Variants in ZNF469 observed in about 807,000 individuals in gnomAD.
ZNF469 encodes the protein zinc finger protein 469.
In ZNF469, 1 loss-of-function variant was observed where a neutral mutation model predicts 1.0. That is an observed-to-expected ratio of 1.00 (90% CI 0.35 to 4.73). The LOEUF (loss-of-function observed/expected upper bound fraction) is 4.73. ZNF469 is among the 30% of genes most tolerant of loss of function. The probability of loss-of-function intolerance (pLI) is 0.16; values close to 1 mark genes in which losing one functional copy is unlikely to be tolerated. For missense variants in ZNF469, 6,100 were observed against 5,356.3 expected (o/e 1.14, Z -4.33); for synonymous variants, 2,703 against 2,363.4 (o/e 1.14, Z -4.17).
the ZNF469 span, among the ~76,000 whole-genome samples, chr16:88,333,053 C>T: frequency 6.6e-6 from 1 of 152,204 alleles, no homozygotes; most frequent in African/African-American, 2.4e-5. Context: ...TGCTGCTGCT[C>T]ATTGGTGATT....
At chr16:88,396,844 GACCCTCCTGAAGGGAGGCCGGGAGGAC>G (rs1191793917) in intron 1 of ZNF469, among the ~76,000 whole-genome samples, 1 of 133,074 alleles carries the variant, frequency 7.5e-6, no homozygotes, top group South Asian at 2.4e-4. Context: ...GCCTGGAGGA[GACCCTCCTGAAGGGAGGCCGGGAGGAC>G]ACCCTCCTGA....
At position 88,431,294 on chromosome 16, in the gene ZNF469, C is replaced by A. The variant is rs1463332080; in HGVS notation, c.3824C>A (p.Thr1275Asn). 7 of 1,550,212 alleles carry A rather than the reference C, an allele frequency of 4.5e-6. No individual in the cohort carries two copies. In the East Asian group the frequency reaches 9.8e-5, roughly 22 times the overall value. Residue 1275 changes from threonine to asparagine, a missense_variant, in exon 3 of 3, where the codon ACC becomes AAC. Physicochemically the swap from Thr to Asn is moderately conservative, Grantham distance 65 (BLOSUM62 0). Coordinates refer to ENST00000565624, the MANE Select transcript of ZNF469 (RefSeq NM_001367624.2). ...CAGCCGCCGCCCAGCAGACATGACA[C>A]CGGCACCCCCAAGCCGTCGGGAAGC... is the stretch of plus-strand genomic sequence containing the variant. ...PEQPPPSRHD[T>N]GTPKPSGSLA...
chr16:88,308,693 C>T, the ZNF469 span, among the ~76,000 whole-genome samples: 1 of 152,138 alleles, frequency 6.6e-6, no homozygotes, highest in Non-Finnish European at 1.5e-5. Context: ...CTGAGCAGAC[C>T]CCACCTCCAT....
chr16:88,200,028 G>C, the ZNF469 span, among the ~76,000 whole-genome samples: 1 of 152,162 alleles, frequency 6.6e-6, no homozygotes, highest in Non-Finnish European at 1.5e-5. Flanking sequence ...AATGCCTCCC[G>C]CTCCCACCCC....
At chr16:88,106,760 C>G in the ZNF469 span, among the ~76,000 whole-genome samples, 1 of 152,258 alleles carries the variant, frequency 6.6e-6, no homozygotes, top group South Asian at 2.1e-4. Flanking sequence ...GGCCACCAGC[C>G]TGGGATGCCA....
At chr16:88,360,425 A>G in the ZNF469 span, among the ~76,000 whole-genome samples, 1 of 152,064 alleles carries the variant, frequency 6.6e-6, no homozygotes, top group Non-Finnish European at 1.5e-5. Flanking sequence ...CGTGCAGAAG[A>G]ACATCATCTC....
intron 1 of ZNF469, among the ~76,000 whole-genome samples, chr16:88,413,857 G>A (rs1428864859): frequency 6.6e-6 from 1 of 152,212 alleles, no homozygotes; most frequent in Non-Finnish European, 1.5e-5. Flanking sequence ...AGCCCCCAGG[G>A]CTGTGTGAGT....
chr16:88,347,357 G>A, the ZNF469 span, among the ~76,000 whole-genome samples: 12 of 152,230 alleles, frequency 7.9e-5, no homozygotes, highest in East Asian at 3.9e-4. Flanking sequence ...TCATTAGGCC[G>A]GGTCCTAATT....
the ZNF469 span, among the ~76,000 whole-genome samples, chr16:88,327,097 G>A: frequency 6.6e-6 from 1 of 152,160 alleles, no homozygotes; most frequent in African/African-American, 2.4e-5. Flanking sequence ...CAGGAGAAGC[G>A]CCACTCTGGA....
At chr16:88,174,185 A>G in the ZNF469 span, among the ~76,000 whole-genome samples, 1 of 152,214 alleles carries the variant, frequency 6.6e-6, no homozygotes, top group Admixed American at 6.5e-5. Context: ...ATCAATAGAA[A>G]GATAGAGTGG....
chr16:88,223,312 C>T, the ZNF469 span, among the ~76,000 whole-genome samples: 1 of 152,348 alleles, frequency 6.6e-6, no homozygotes, highest in Non-Finnish European at 1.5e-5. Flanking sequence ...TCTCTTGGTT[C>T]TCATTCTCTC....
chr16:88,235,177 G>A, the ZNF469 span, among the ~76,000 whole-genome samples: 492 of 152,330 alleles, frequency 3.2e-3, 2 homozygotes, highest in African/African-American at 0.012. Flanking sequence ...GGCCTCTCCA[G>A]GGATGGAGAG....
At chr16:88,256,751 G>C in the ZNF469 span, among the ~76,000 whole-genome samples, 2 of 152,116 alleles carry the variant, frequency 1.3e-5, no homozygotes, top group African/African-American at 4.8e-5. Context: ...TAGCCACGCT[G>C]TTAGGTGAGA....
rs1906420266 is a variant in ZNF469, at chr16:88,434,403, G to A, written c.6933G>A (p.Arg2311=). The A allele has an allele frequency of 3.2e-6, 5 of 1,549,608 alleles. No homozygotes were observed. The South Asian group carries it at 3.6e-5, about 11-fold the overall frequency. ...TCCCAGGGCCAGACCCCCAGAGCAG[G>A]GGAGCCCCGCCCCACACCAACCCTG... ...RGLPGPDPQS[R]GAPPHTNPDR... is the part of the protein sequence containing the mutation. Residue 2311 remains arginine, a synonymous_variant, in exon 3 of 3, where the codon AGG becomes AGA. Coordinates refer to ENST00000565624, the MANE Select transcript of ZNF469 (RefSeq NM_001367624.2).
chr16:88,364,381 C>T, the ZNF469 span, among the ~76,000 whole-genome samples: 1 of 148,366 alleles, frequency 6.7e-6, no homozygotes, highest in African/African-American at 2.5e-5. Context: ...GTCACAATAT[C>T]TTGTGGTGGA....
In ZNF469 at chr16:88,434,338, A is replaced by G. The variant is rs1906414943; in HGVS notation, c.6868A>G (p.Ser2290Gly). The G allele has an allele frequency of 1.3e-6, 2 of 1,550,222 alleles. No homozygotes were observed. The highest frequency in any genetic ancestry group is 1.7e-6 in the Non-Finnish European group (2 of 1,146,952). The change falls in exon 3 of 3, where the codon AGC (serine) becomes GGC (glycine). Residue 2290 changes from serine (S) to glycine (G), a missense_variant. Physicochemically the swap from Ser to Gly is moderately conservative, Grantham distance 56. Coordinates refer to ENST00000565624, the MANE Select transcript of ZNF469 (RefSeq NM_001367624.2). Reference protein sequence around the residue: ...SVAVRATGLSSTPTGDEAQAG... With the variant: ...SVAVRATGLSGTPTGDEAQAG... ...GGCCGTCAGGGCTACTGGCCTGTCC[A>G]GCACTCCCACCGGAGATGAGGCACA...
At chr16:88,132,416 C>T in the ZNF469 span, among the ~76,000 whole-genome samples, 14 of 152,102 alleles carry the variant, frequency 9.2e-5, no homozygotes, top group East Asian at 1.2e-3. Flanking sequence ...CCCAGAGCGC[C>T]GCGTAGCCGG....
At chr16:88,351,571 G>C in the ZNF469 span, among the ~76,000 whole-genome samples, 13,149 of 152,130 alleles carry the variant, frequency 0.086, 585 homozygotes, top group East Asian at 0.15. Context: ...TGATGTCCCC[G>C]TGTCCTCCGC....
At chr16:88,380,906 TCA>T (rs1404695619), upstream of ZNF469, among the ~76,000 whole-genome samples, 340 of 53,848 alleles carry the variant, frequency 6.3e-3, 3 homozygotes, top group African/African-American at 0.041. Context: ...TCACACACAC[TCA>T]CAGACATGCA....
Sources: allele counts gnomAD v4.1 joint callset (sites outside exome capture counted in the v4.1 genomes callset), GRCh38; gene constraint gnomAD v4.1.1; transcripts MANE v1.5; gene names NCBI Gene and HGNC (gene_info 2026-07-23, HGNC 2026-07-21).